Variants in GRID2 observed in about 807,000 individuals in gnomAD.
GRID2 encodes the protein glutamate ionotropic receptor delta type subunit 2, also known as glutamate receptor ionotropic, delta-2.
Under a neutral mutation model 114.8 loss-of-function variants are expected in GRID2, and 33 were observed. The observed-to-expected ratio is 0.29, with a 90% CI of 0.22 to 0.38. The LOEUF (loss-of-function observed/expected upper bound fraction) is 0.38. Among genes scored for constraint, GRID2 ranks in the 10% least tolerant of loss-of-function variants. The pLI is 1.00. For synonymous variants in GRID2, 505 were observed against 449.9 expected (o/e 1.12, Z -1.55); for missense variants, 1,184 against 1,257.7 (o/e 0.94, Z 0.89).
At chr4:93,419,988 C>T (rs913349450) in intron 9 of GRID2, among the ~76,000 whole-genome samples, 12 of 152,000 alleles carry the variant, frequency 7.9e-5, no homozygotes, top group Admixed American at 5.9e-4. Flanking sequence ...AGTGTCATAT[C>T]GAAGAGTGTT....
chr4:93,069,470 A>C (rs1728619851), intron 2 of GRID2, among the ~76,000 whole-genome samples: 1 of 151,988 alleles, frequency 6.6e-6, no homozygotes, highest in Non-Finnish European at 1.5e-5. Flanking sequence ...CTATCACTGT[A>C]AGCTTACAAG....
intron 14 of GRID2, among the ~76,000 whole-genome samples, chr4:93,631,439 C>T (rs113943090): frequency 0.13 from 19,276 of 152,094 alleles, 1,593 homozygotes; most frequent in East Asian, 0.44. Flanking sequence ...TTGTTCAATT[C>T]CCACCTATGA....
At chr4:92,964,139 C>A (rs186820045) in intron 2 of GRID2, among the ~76,000 whole-genome samples, 46 of 152,050 alleles carry the variant, frequency 3.0e-4, no homozygotes, top group Non-Finnish European at 5.3e-4. Flanking sequence ...TTCTTAAGAG[C>A]TCTAGGATTT....
chr4:92,894,452 C>T (rs981606835), intron 2 of GRID2, among the ~76,000 whole-genome samples: 20 of 152,176 alleles, frequency 1.3e-4, no homozygotes, highest in Admixed American at 9.8e-4. Context: ...AGGGGTTTTA[C>T]ATTTGAAGTT....
At chr4:93,569,574 T>C (rs1385680325) in intron 13 of GRID2, among the ~76,000 whole-genome samples, 1 of 152,208 alleles carries the variant, frequency 6.6e-6, no homozygotes, top group Non-Finnish European at 1.5e-5. Context: ...GTCACTTTTA[T>C]GCTTCAAATA....
At chr4:93,524,467 C>T (rs1428030839) in intron 13 of GRID2, among the ~76,000 whole-genome samples, 1 of 151,954 alleles carries the variant, frequency 6.6e-6, no homozygotes, top group Non-Finnish European at 1.5e-5. Context: ...AGATCATTTC[C>T]AGCAGCCGTG....
At chr4:93,425,607 T>C (rs1768766696) in intron 10 of GRID2, among the ~76,000 whole-genome samples, 1 of 152,210 alleles carries the variant, frequency 6.6e-6, no homozygotes, top group African/African-American at 2.4e-5. Context: ...CTCTCCCATA[T>C]ATGTGCAGTT....
At chr4:92,477,041 G>A (rs185675600) in intron 1 of GRID2, among the ~76,000 whole-genome samples, 4 of 986 alleles carry the variant, frequency 4.1e-3, no homozygotes, top group East Asian at 0.03. Flanking sequence ...TTAACTTCAT[G>A]TGTGTGTGTG....
At chr4:92,771,312 A>T (rs1738535182) in intron 2 of GRID2, among the ~76,000 whole-genome samples, 1 of 152,204 alleles carries the variant, frequency 6.6e-6, no homozygotes, top group Admixed American at 6.5e-5. Context: ...GTGCTGCTGT[A>T]TCACTTTACC....
At chr4:93,184,988 A>G (rs1213834859) in intron 4 of GRID2, among the ~76,000 whole-genome samples, 1 of 152,228 alleles carries the variant, frequency 6.6e-6, no homozygotes, top group Non-Finnish European at 1.5e-5. Context: ...GTAATTCAGT[A>G]TTCATTCAAC....
At chr4:92,964,816 A>G (rs56062750) in intron 2 of GRID2, among the ~76,000 whole-genome samples, 16,977 of 152,078 alleles carry the variant, frequency 0.11, 1,111 homozygotes, top group Middle Eastern at 0.18. Flanking sequence ...GCTTAAAGAA[A>G]GATAGTGGCT....
chr4:93,160,396 C>T (rs754747020), intron 4 of GRID2, among the ~76,000 whole-genome samples: 7 of 151,776 alleles, frequency 4.6e-5, no homozygotes, highest in Non-Finnish European at 7.4e-5. Flanking sequence ...AGTTTGTTTA[C>T]TTCAAGAGAT....
chr4:92,557,537 A>G (rs752700537), intron 1 of GRID2, among the ~76,000 whole-genome samples: 2 of 150,764 alleles, frequency 1.3e-5, no homozygotes, highest in South Asian at 2.1e-4. Context: ...ATAAAACCTT[A>G]TATTTCTGTA....
In GRID2 at chr4:92,759,362, C is replaced by T. The variant is rs368815617; in HGVS notation, c.244+169076C>T. Among the ~76,000 whole-genome samples the T allele has an allele frequency of 7.0e-4, 106 of 152,150 alleles. 1 individual carries two copies. The highest frequency in any genetic ancestry group is 2.5e-3 in the African/African-American group (104 of 41,512). On this transcript the variant is annotated intron_variant, in intron 2 of 15. Coordinates refer to ENST00000282020, the MANE Select transcript of GRID2 (RefSeq NM_001510.4). ...TTGCTTGGGTCCTATTTTATATTGA[C>T]TCACATACTTTCTAATTTTTTTTTA...
intron 2 of GRID2, among the ~76,000 whole-genome samples, chr4:92,749,310 CTTT>C (rs68069370): frequency 2.8e-5 from 2 of 72,014 alleles, no homozygotes; most frequent in African/African-American, 6.6e-5. Context: ...TGATTTGTAG[CTTT>C]TTTTTTTTTT....
intron 8 of GRID2, among the ~76,000 whole-genome samples, chr4:93,293,384 A>G (rs1753952199): frequency 6.6e-6 from 1 of 152,198 alleles, no homozygotes; most frequent in Non-Finnish European, 1.5e-5. Flanking sequence ...AATAAGAGAA[A>G]TTTAACGAAG....
At chr4:93,598,079 T>C (rs2149633374) in intron 13 of GRID2, among the ~76,000 whole-genome samples, 1 of 152,292 alleles carries the variant, frequency 6.6e-6, no homozygotes, top group African/African-American at 2.4e-5. Flanking sequence ...CTATACATTC[T>C]CTGGTACAAC....
intron 8 of GRID2, among the ~76,000 whole-genome samples, chr4:93,303,785 A>C (rs535623124): frequency 4.6e-5 from 7 of 152,226 alleles, no homozygotes; most frequent in African/African-American, 1.4e-4. Context: ...ACTATGACTT[A>C]CAGAACTGGT....
chr4:92,733,413 A>G (rs1366706210), intron 2 of GRID2, among the ~76,000 whole-genome samples: 11 of 151,998 alleles, frequency 7.2e-5, no homozygotes, highest in Middle Eastern at 3.2e-3. Context: ...AATGCTGTCT[A>G]TTCTATTCAG....
Sources: gnomAD v4.1 joint callset for allele counts (sites outside exome capture counted in the v4.1 genomes callset) on GRCh38, gnomAD v4.1.1 for gene constraint, MANE v1.5 for transcripts, NCBI Gene and HGNC (gene_info 2026-07-23, HGNC 2026-07-21) for gene names.